The following UNC80 variants were observed in gnomAD, a reference collection of about 807,000 sequenced individuals.
UNC80 encodes unc-80 subunit of NALCN channel complex.
In UNC80, 164 loss-of-function variants were observed where a neutral mutation model predicts 384.6. The observed-to-expected ratio is 0.43, with a 90% CI of 0.38 to 0.49. The LOEUF (loss-of-function observed/expected upper bound fraction) is 0.49. Ranked by LOEUF, UNC80 falls within the 20% of genes least tolerant of loss-of-function variation. The pLI is 0.00. For missense variants in UNC80, 3,330 were observed against 4,143.0 expected (o/e 0.80, Z 5.39); for synonymous variants, 1,486 against 1,527.8 (o/e 0.97, Z 0.64).
At position 209,771,929 on chromosome 2, in the gene UNC80, G is replaced by C; in HGVS notation, c.-144G>C. ...CGGGGAGGGGTGGGGGGAGGGGAGA[G>C]GCACGGGGGATCAGGGCGGAGAGAG... On this transcript the variant is annotated 5_prime_UTR_variant, in exon 1 of 65. Transcript: ENST00000673920. 1 of 658,098 alleles carries C rather than the reference G, an allele frequency of 1.5e-6. No individual in the cohort carries two copies. The highest frequency in any genetic ancestry group is 1.6e-5 in the South Asian group (1 of 62,354). 40.8% of individuals were successfully genotyped at this position (658,098 alleles called of 1,614,324 possible).
chr2:209,939,553 C>G lies in UNC80; in HGVS notation c.6547C>G (p.Gln2183Glu), dbSNP rs1372935806. 5.8e-6 allele frequency: 9 copies of G among 1,551,680 alleles called. No homozygotes were observed. The highest frequency in any genetic ancestry group is 7.8e-6 in the Non-Finnish European group (9 of 1,146,968). The change falls in exon 43 of 65, where the codon CAG becomes GAG. Residue 2183 changes from glutamine to glutamate, a missense_variant. Coordinates refer to ENST00000673920, the MANE Select transcript of UNC80 (RefSeq NM_001371986.1). ...LTQKIPTAHK[Q>E]SHVSMLQEDL... is the part of the protein sequence containing the mutation. ...CCAGAAGATCCCCACAGCCCACAAA[C>G]AGTCCCACGTCTCCATGCTTCAGGA...
chr2:209,815,122 G>A, intron 8 of UNC80, 135 bp from the exon 9 acceptor site: 2 of 788,750 alleles, frequency 2.5e-6, no homozygotes, highest in Non-Finnish European at 3.7e-6. Flanking sequence ...GATTCCAGAA[G>A]TCCAGACATA....
In UNC80 at chr2:209,847,275, T is replaced by C. The variant is rs573068930; in HGVS notation, c.3455-2176T>C. ...AAAATAATTTTAAAAACTTATCTTA[T>C]AGGGCTATGGCAAAAAATAAAGAAA... On this transcript the variant is annotated intron_variant, in intron 21 of 64. Transcript: ENST00000673920. Among the ~76,000 whole-genome samples, 10 of 152,166 alleles carry C rather than the reference T, an allele frequency of 6.6e-5. No individual in the cohort carries two copies. In the East Asian group the frequency reaches 1.7e-3, roughly 26 times the overall value.
chr2:209,811,292 T>C (rs578039307), intron 7 of UNC80, among the ~76,000 whole-genome samples: 11 of 152,250 alleles, frequency 7.2e-5, no homozygotes, highest in Admixed American at 7.2e-4. Flanking sequence ...AGAATGAGTT[T>C]GGAATGGTAA....
At chr2:209,988,725 A>G (rs551759995) in intron 61 of UNC80, among the ~76,000 whole-genome samples, 1 of 152,246 alleles carries the variant, frequency 6.6e-6, no homozygotes, top group East Asian at 1.9e-4. Context: ...CCTAGCTTAT[A>G]AATTACTTCC....
In UNC80 at chr2:209,973,246, T is replaced by TCCA; in HGVS notation, c.8567_8569dup (p.Thr2856dup). 6.4e-7 allele frequency: 1 copy of TCCA among 1,551,664 alleles called. No individual in the cohort carries two copies. Among genetic ancestry groups the TCCA allele is most frequent in the Non-Finnish European group, 8.7e-7 (1 of 1,146,996 alleles). ...CTTGCGCAGGGAAGGGCTGGCTGAGTCCACCAGCCAAGCAGCATACTTGGG... is the reference window on the plus strand; with the variant it reads ...CTTGCGCAGGGAAGGGCTGGCTGAGTCCACCACCAGCCAAGCAGCATACTTGGG... On this transcript the variant is annotated inframe_insertion, in exon 56 of 65. Transcript: ENST00000673920.
At chr2:209,984,208 G>A (rs1276329922) in intron 60 of UNC80, among the ~76,000 whole-genome samples, 1 of 152,076 alleles carries the variant, frequency 6.6e-6, no homozygotes, top group Non-Finnish European at 1.5e-5. Context: ...TCTTCTTTTG[G>A]CATTTACAAT....
intron 51 of UNC80, among the ~76,000 whole-genome samples, chr2:209,960,739 A>G (rs2092562727): frequency 6.6e-6 from 1 of 152,214 alleles, no homozygotes; most frequent in African/African-American, 2.4e-5. Context: ...CACACCCAGT[A>G]CTGCCCTGGA....
chr2:209,878,130 G>T (rs374284064), intron 24 of UNC80, 41 bp downstream of exon 24: 8 of 1,483,864 alleles, frequency 5.4e-6, no homozygotes, highest in Non-Finnish European at 7.2e-6. Context: ...CTGCTTGTAA[G>T]AACCTCTGCT....
At position 209,904,851 on chromosome 2, in the gene UNC80, C is replaced by T; in HGVS notation, c.4668C>T (p.Arg1556=). ...CHPHCYLHHS[R]SCARLVRAIK... ...CCCACTGCTACCTGCACCACAGCCG[C>T]TCCTGTGCCCGACTGGTCAGAGCCA... Residue 1556 remains arginine (R), a synonymous_variant, in exon 29 of 65, where the codon CGC becomes CGT. Transcript: ENST00000673920. 6.4e-7 allele frequency: 1 copy of T among 1,551,956 alleles called. No individual in the cohort carries two copies. Among genetic ancestry groups the T allele is most frequent in the Non-Finnish European group, 8.7e-7 (1 of 1,147,042 alleles).
At chr2:209,799,477 A>G (rs2078394697) in intron 7 of UNC80, among the ~76,000 whole-genome samples, 1 of 152,128 alleles carries the variant, frequency 6.6e-6, no homozygotes, top group East Asian at 1.9e-4. Flanking sequence ...TTGGGCTGAG[A>G]TGATGGGGTT....
intron 29 of UNC80, among the ~76,000 whole-genome samples, chr2:209,909,408 G>A (rs945210567): frequency 2.0e-5 from 3 of 152,180 alleles, no homozygotes; most frequent in Admixed American, 2.0e-4. Flanking sequence ...AACCAAAGCT[G>A]CTGTCCATTT....
intron 33 of UNC80, 145 bp downstream of exon 33, chr2:209,918,808 TAG>T: frequency 9.8e-7 from 1 of 1,021,920 alleles, no homozygotes; most frequent in East Asian, 2.7e-5. Context: ...GTGAATATAA[TAG>T]AGAGAATAAT....
intron 25 of UNC80, among the ~76,000 whole-genome samples, chr2:209,884,455 T>G (rs1264625637): frequency 6.6e-6 from 1 of 152,144 alleles, no homozygotes; most frequent in Non-Finnish European, 1.5e-5. Context: ...ATTTAACAAA[T>G]CAGGTTATAA....
chr2:209,814,975 A>AC (rs2079626729), intron 8 of UNC80, among the ~76,000 whole-genome samples: 1 of 138,788 alleles, frequency 7.2e-6, no homozygotes, highest in Non-Finnish European at 1.7e-5. Flanking sequence ...ACTCTTTTTA[A>AC]TTAAAAAAAA....
chr2:209,826,859 T>C (rs898808582), intron 14 of UNC80, among the ~76,000 whole-genome samples: 4 of 152,150 alleles, frequency 2.6e-5, no homozygotes, highest in African/African-American at 7.2e-5. Context: ...TCCTTTGGCA[T>C]ATCTTGACAG....
In UNC80 at chr2:209,831,480, C is replaced by T. The variant is rs1034571131; in HGVS notation, c.2664C>T (p.Asp888=). The change falls in exon 16 of 65, where the codon GAC becomes GAT. Residue 888 remains aspartate, a synonymous_variant. Coordinates refer to ENST00000673920, the MANE Select transcript of UNC80 (RefSeq NM_001371986.1). ...AGFGNNFTTV[D]NKSTAQNVEG... ...TTGGAAATAACTTCACCACAGTGGA[C>T]AACAAATCCACAGCCCAAAATGTGG... 19 of 1,551,098 alleles carry T rather than the reference C, an allele frequency of 1.2e-5. No homozygotes were observed. Among genetic ancestry groups the T allele is most frequent in the Middle Eastern group, 1.7e-4 (1 of 5,984 alleles).
At chr2:209,914,905 T>A (rs567716550) in intron 31 of UNC80, among the ~76,000 whole-genome samples, 17 of 152,232 alleles carry the variant, frequency 1.1e-4, no homozygotes, top group South Asian at 6.2e-4. Flanking sequence ...AAACAAGATC[T>A]ATTGATGAAA....
chr2:209,990,270 A>G (rs1300258867), intron 61 of UNC80, among the ~76,000 whole-genome samples: 1 of 152,156 alleles, frequency 6.6e-6, no homozygotes, highest in Non-Finnish European at 1.5e-5. Context: ...GACTGCCTCA[A>G]TTTCATTTTC....
Sources: allele counts gnomAD v4.1 joint callset (sites outside exome capture counted in the v4.1 genomes callset), GRCh38; gene constraint gnomAD v4.1.1; transcripts MANE v1.5; gene names NCBI Gene and HGNC (gene_info 2026-07-23, HGNC 2026-07-21).